The following CDHR4 variants were observed in gnomAD, a reference collection of about 807,000 sequenced individuals.
The protein encoded by CDHR4 is cadherin-related family member 4.
In CDHR4, 89 loss-of-function variants were observed where a neutral mutation model predicts 88.4. The observed-to-expected ratio is 1.01, with a 90% CI of 0.85 to 1.20. The LOEUF (loss-of-function observed/expected upper bound fraction) is 1.20. CDHR4 is among the 50% of genes most tolerant of loss of function. The probability of loss-of-function intolerance (pLI) is 0.00; values close to 1 mark genes in which losing one functional copy is unlikely to be tolerated. For missense variants in CDHR4, 914 were observed against 1,007.2 expected (o/e 0.91, Z 1.25); for synonymous variants, 368 against 399.2 (o/e 0.92, Z 0.93).
Position 49,790,846 on chromosome 3 carries a change from G to A in CDHR4, c.2353C>T (p.Arg785Trp), listed in dbSNP as rs376681759. 3.9e-6 allele frequency: 6 copies of A among 1,551,320 alleles called. No individual in the cohort carries two copies. In the African/African-American group the frequency reaches 5.5e-5, roughly 14 times the overall value. ...DYLFNTHTGA[R>W]RWL is the part of the protein sequence containing the mutation. ...GCTACTTGGCCTCAGAGCCAGCGCC[G>A]GGCTCCTGTGTGTGTGTTAAACAGG... is the stretch of plus-strand genomic sequence containing the variant. Residue 785 changes from arginine (R) to tryptophan (W), a missense_variant, in exon 19 of 19, where the codon CGG (arginine) becomes TGG (tryptophan). Transcript: ENST00000412678.
chr3:49,793,080 A>G lies in CDHR4; in HGVS notation c.1775-6T>C. On this transcript the variant is annotated splice_region_variant and splice_polypyrimidine_tract_variant and intron_variant, in intron 13 of 18. Transcript: ENST00000412678. ...GAATCGGTTCTGGCTATTCCCTGAA[A>G]GCAGAATGACAGGAGGAAGAGACCA... 1 of 1,551,360 alleles carries G rather than the reference A, an allele frequency of 6.4e-7. No individual in the cohort carries two copies. Among genetic ancestry groups the G allele is most frequent in the Non-Finnish European group, 8.7e-7 (1 of 1,146,924 alleles).
intron 1 of CDHR4, 102 bp from the exon 2 acceptor site, chr3:49,799,539 G>A: frequency 1.2e-5 from 15 of 1,287,196 alleles, no homozygotes; most frequent in Non-Finnish European, 1.6e-5. Context: ...CCATGCCATG[G>A]GGCCAAGCAG....
intron 3 of CDHR4, 32 bp downstream of exon 3, chr3:49,798,962 G>A (rs754004671): frequency 1.9e-6 from 3 of 1,610,932 alleles, no homozygotes; most frequent in Admixed American, 3.4e-5. Context: ...GGCCATGCCT[G>A]CCCCCACCCT....
chr3:49,795,942 C>A lies in CDHR4; in HGVS notation c.710+1G>T. ...ACTGTTCCAGGGTAGGGGAGCCTTACAGGAAGGAGACCTGGCTGGAGGGAA... is the reference window on the plus strand; with the variant it reads ...ACTGTTCCAGGGTAGGGGAGCCTTAAAGGAAGGAGACCTGGCTGGAGGGAA... On this transcript the variant is annotated splice_donor_variant, in intron 6 of 18. Coordinates refer to ENST00000412678, the MANE Select transcript of CDHR4 (RefSeq NM_001007540.4). LOFTEE classifies it high-confidence loss of function. The surrounding 1 kb of genome is among the most constrained non-coding windows in gnomAD (Gnocchi z 5.4). The A allele has an allele frequency of 6.5e-7, 1 of 1,535,840 alleles. No individual in the cohort carries two copies.
Position 49,795,321 on chromosome 3 carries a change from C to T in CDHR4, c.906G>A (p.Ala302=), listed in dbSNP as rs1415927301. The change falls in exon 8 of 19, where the codon GCG becomes GCA. Residue 302 remains alanine, a synonymous_variant. Transcript: ENST00000412678. This position sits in a 1 kb window ranked among gnomAD's most constrained non-coding sequence, Gnocchi z 5.4. The part of the protein sequence containing the change: ...PLELARTSGT[A]VSRLQVKAFE... ...AGGCCTTCACCTGCAGCCTGGAGACCGCGGTGCCTGAGGTGCGAGCTAACT... is the reference window on the plus strand; with the variant it reads ...AGGCCTTCACCTGCAGCCTGGAGACTGCGGTGCCTGAGGTGCGAGCTAACT... 4 of 1,551,442 alleles carry T rather than the reference C, an allele frequency of 2.6e-6. No homozygotes were observed. Among genetic ancestry groups the T allele is most frequent in the East Asian group, 4.9e-5 (2 of 40,930 alleles).
Position 49,795,943 on chromosome 3 carries a change from A to C in CDHR4, c.710T>G (p.Leu237Arg). Residue 237 changes from leucine to arginine, a missense_variant and splice_region_variant, in exon 6 of 19, where the codon CTC becomes CGC. Coordinates refer to ENST00000412678, the MANE Select transcript of CDHR4 (RefSeq NM_001007540.4). The surrounding 1 kb of genome is among the most constrained non-coding windows in gnomAD (Gnocchi z 5.4). ...LPVPSSQVSFLEQAQNITIPE... is the reference protein window; with the variant it reads ...LPVPSSQVSFREQAQNITIPE... ...CTGTTCCAGGGTAGGGGAGCCTTAC[A>C]GGAAGGAGACCTGGCTGGAGGGAAC... The C allele has an allele frequency of 6.5e-7, 1 of 1,536,260 alleles. No homozygotes were observed. Among genetic ancestry groups the C allele is most frequent in the Non-Finnish European group, 8.8e-7 (1 of 1,140,076 alleles).
Position 49,795,288 on chromosome 3 carries a change from C to T in CDHR4, c.939G>A (p.Gln313=), listed in dbSNP as rs2081253026. 1 of 1,551,688 alleles carries T rather than the reference C, an allele frequency of 6.4e-7. No individual in the cohort carries two copies. The highest frequency in any genetic ancestry group is 8.7e-7 in the Non-Finnish European group (1 of 1,146,990). Residue 313 remains glutamine (Q), a synonymous_variant, in exon 8 of 19, where the codon CAG becomes CAA. Transcript: ENST00000412678. The surrounding 1 kb of genome is among the most constrained non-coding windows in gnomAD (Gnocchi z 5.4). ...GCTTGGCACTGGCCCACAGCTGGCC[C>T]TGCTCAAAGGCCTTCACCTGCAGCC... ...VSRLQVKAFE[Q]GQLWASAKLN... is the part of the protein sequence containing the mutation.
Position 49,794,594 on chromosome 3 carries a change from G to A in CDHR4, c.1279+14C>T. 1 of 1,546,266 alleles carries A rather than the reference G, an allele frequency of 6.5e-7. No homozygotes were observed. Among genetic ancestry groups the A allele is most frequent in the South Asian group, 1.2e-5 (1 of 83,530 alleles). On this transcript the variant is annotated intron_variant, in intron 10 of 18. Coordinates refer to ENST00000412678, the MANE Select transcript of CDHR4 (RefSeq NM_001007540.4). ...GCCTTGTCCTGGGTGTCCAGGCCGG[G>A]TGTGGTCACTCACTGGTCATCTGGG...
upstream of CDHR4, among the ~76,000 whole-genome samples, chr3:49,800,095 C>T (rs150167993): frequency 3.9e-5 from 6 of 152,246 alleles, no homozygotes; most frequent in African/African-American, 1.4e-4. Flanking sequence ...GTCATGCAAT[C>T]CGTGGAGATA....
intron 10 of CDHR4, 109 bp downstream of exon 10, chr3:49,794,499 C>A: frequency 1.2e-6 from 1 of 864,566 alleles, no homozygotes; most frequent in Admixed American, 2.7e-5. Context: ...TGGTGACAAC[C>A]CTGCCCTACT....
chr3:49,796,679 C>T (rs2108285181), intron 5 of CDHR4, among the ~76,000 whole-genome samples: 1 of 152,320 alleles, frequency 6.6e-6, no homozygotes, highest in East Asian at 1.9e-4. Context: ...GCCCTAAACA[C>T]TTTTCTTTCT....
At chr3:49,798,737 A>C in intron 4 of CDHR4, 89 bp downstream of exon 4, 1 of 1,277,828 alleles carries the variant, frequency 7.8e-7, no homozygotes, top group Non-Finnish European at 1.1e-6. Context: ...GTTCCTCTTC[A>C]GGCTGTGCCT....
chr3:49,796,168 A>C, intron 5 of CDHR4, 122 bp from the exon 6 acceptor site: 1 of 615,182 alleles, frequency 1.6e-6, no homozygotes, highest in Non-Finnish European at 2.7e-6. Flanking sequence ...TTCAACTTCC[A>C]CTCTTCCCCA....
Position 49,793,241 on chromosome 3 carries a change from C to T in CDHR4, c.1694G>A (p.Arg565His), listed in dbSNP as rs1029792092. The T allele has an allele frequency of 9.0e-6, 14 of 1,551,670 alleles. No homozygotes were observed. In the Admixed American group the frequency reaches 1.2e-4, roughly 13 times the overall value. Reference sequence around the variant, plus strand: ...TGACATCTTGGTCACCTCCACGCTACGGCCCAGAGGAGCATAGATGGTGAG... The same window carrying T: ...TGACATCTTGGTCACCTCCACGCTATGGCCCAGAGGAGCATAGATGGTGAG... ...QELTIYAPLG[R>H]SVEVTKMSCQ... Residue 565 changes from arginine (R) to histidine (H), a missense_variant, in exon 13 of 19, where the codon CGT becomes CAT. Transcript: ENST00000412678.
At position 49,793,939 on chromosome 3, in the gene CDHR4, C is replaced by T. The variant is rs1040230491; in HGVS notation, c.1347G>A (p.Thr449=). 10 of 1,551,668 alleles carry T rather than the reference C, an allele frequency of 6.4e-6. No homozygotes were observed. In the East Asian group the frequency reaches 7.3e-5, roughly 11 times the overall value. Residue 449 remains threonine (T), a synonymous_variant, in exon 11 of 19, where the codon ACG becomes ACA. Coordinates refer to ENST00000412678, the MANE Select transcript of CDHR4 (RefSeq NM_001007540.4). Reference sequence around the variant, plus strand: ...GCGCCGCATCCTCCTGAACCCGGAACGTGCGAGGGGCACAGGCTGGGGAGA... The same window carrying T: ...GCGCCGCATCCTCCTGAACCCGGAATGTGCGAGGGGCACAGGCTGGGGAGA... The part of the protein sequence containing the change: ...NEFSPACAPR[T]FRVQEDAAPH...
In CDHR4 at chr3:49,796,950, G is replaced by C; in HGVS notation, c.578C>G (p.Ser193Cys). 1 of 1,551,698 alleles carries C rather than the reference G, an allele frequency of 6.4e-7. No individual in the cohort carries two copies. The highest frequency in any genetic ancestry group is 8.7e-7 in the Non-Finnish European group (1 of 1,146,964). Residue 193 changes from serine to cysteine, a missense_variant, in exon 5 of 19, where the codon TCC becomes TGC. Physicochemically the swap from Ser to Cys is moderately radical, Grantham distance 112. Transcript: ENST00000412678. ...TTGAGCCTGGCCTAGGAGGCCCTGG[G>C]ATGGTGCCTGCAGCCAACCTTGCTC... Reference protein sequence around the residue: ...INEQGWLQAPSQGLLGQAQKV... With the variant: ...INEQGWLQAPCQGLLGQAQKV...
chr3:49,794,405 A>G (rs2081234358), intron 10 of CDHR4, among the ~76,000 whole-genome samples: 1 of 151,998 alleles, frequency 6.6e-6, no homozygotes, highest in Non-Finnish European at 1.5e-5. Context: ...CTCAAAAAAA[A>G]AAAAAGAGAG....
Position 49,796,959 on chromosome 3 carries a change from T to A in CDHR4, c.569A>T (p.Gln190Leu). Reference protein sequence around the residue: ...PFSINEQGWLQAPSQGLLGQA... With the variant: ...PFSINEQGWLLAPSQGLLGQA... ...GCCTAGGAGGCCCTGGGATGGTGCC[T>A]GCAGCCAACCTTGCTCATTGATGGA... The change falls in exon 5 of 19, where the codon CAG (glutamine) becomes CTG (leucine). Residue 190 changes from glutamine (Q) to leucine (L), a missense_variant. Transcript: ENST00000412678. The A allele has an allele frequency of 3.2e-6, 5 of 1,551,738 alleles. No homozygotes were observed. The highest frequency in any genetic ancestry group is 4.4e-6 in the Non-Finnish European group (5 of 1,146,990).
Position 49,799,755 on chromosome 3 carries a change from C to A in CDHR4, c.49+9G>T, listed in dbSNP as rs776241048. 6.2e-7 allele frequency: 1 copy of A among 1,613,792 alleles called. No individual in the cohort carries two copies. The highest frequency in any genetic ancestry group is 8.5e-7 in the Non-Finnish European group (1 of 1,179,774). On this transcript the variant is annotated intron_variant, in intron 1 of 18. Transcript: ENST00000412678. ...AAAACTACGGTTCCCCCACCCACCA[C>A]CTCCTCACCAGAGACCACCGGAGCA... is the stretch of plus-strand genomic sequence containing the variant.
Sources: allele counts gnomAD v4.1 joint callset (sites outside exome capture counted in the v4.1 genomes callset), GRCh38; gene constraint gnomAD v4.1.1; non-coding constraint Gnocchi (gnomAD v3.1); transcripts MANE v1.5; gene names NCBI Gene and HGNC (gene_info 2026-07-23, HGNC 2026-07-21).